FOXN3: variants seen among roughly 807,000 people sequenced by gnomAD.
FOXN3 encodes the protein forkhead box N3.
FOXN3 carries 7 observed loss-of-function variants against 38.4 expected under a neutral mutation model. That is an observed-to-expected ratio of 0.18 (90% CI 0.10 to 0.34). The LOEUF (loss-of-function observed/expected upper bound fraction) is 0.34. FOXN3 is among the 10% of genes least tolerant of loss of function. The pLI is 1.00. For missense variants in FOXN3, 456 were observed against 613.4 expected (o/e 0.74, Z 2.71); for synonymous variants, 230 against 242.2 (o/e 0.95, Z 0.47).
Position 89,476,899 on chromosome 14 carries a change from C to T in FOXN3, c.-14-64409G>A, listed in dbSNP as rs77197158. On this transcript the variant is annotated intron_variant, in intron 1 of 6. Coordinates refer to the FOXN3 transcript ENST00000345097. ...AGACCTGCAGTGAATGGTAGTAAGG[C>T]GCCAGGAGGGAGAAATAGAGAAGGA... is the stretch of plus-strand genomic sequence containing the variant. Among the ~76,000 whole-genome samples, 122 of 152,112 alleles carry T rather than the reference C, an allele frequency of 8.0e-4. 1 individual carries two copies. The South Asian group carries it at 0.023, about 29-fold the overall frequency.
intron 2 of FOXN3, among the ~76,000 whole-genome samples, chr14:89,365,974 G>A (rs542674703): frequency 2.2e-4 from 33 of 152,250 alleles, no homozygotes; most frequent in South Asian, 4.2e-4. Context: ...ATTATAGGCC[G>A]AGCCCAGTGG....
intron 1 of FOXN3, among the ~76,000 whole-genome samples, chr14:89,483,778 A>AAAAC (rs1893392046): frequency 6.6e-6 from 1 of 152,186 alleles, no homozygotes; most frequent in East Asian, 1.9e-4. Flanking sequence ...TAGAACCCAC[A>AAAAC]TCTTTTACTA....
chr14:89,534,050 T>A (rs879683967), intron 1 of FOXN3, among the ~76,000 whole-genome samples: 1 of 151,784 alleles, frequency 6.6e-6, no homozygotes, highest in Admixed American at 6.6e-5. Context: ...AGAGATGTGC[T>A]TCCCCCCCGC....
intron 1 of FOXN3, among the ~76,000 whole-genome samples, chr14:89,461,185 A>C (rs1264146574): frequency 6.6e-6 from 1 of 151,086 alleles, no homozygotes; most frequent in African/African-American, 2.4e-5. Flanking sequence ...AAAATACAAA[A>C]AATTAGCTAG....
chr14:89,524,323 C>CGA (rs1234063728), intron 1 of FOXN3, among the ~76,000 whole-genome samples: 1 of 120,044 alleles, frequency 8.3e-6, no homozygotes, highest in Non-Finnish European at 1.6e-5. Flanking sequence ...TGCAGTGAGC[C>CGA]GAGATCGCAC....
chr14:89,249,257 A>G (rs1480367341), intron 4 of FOXN3, among the ~76,000 whole-genome samples: 1 of 152,184 alleles, frequency 6.6e-6, no homozygotes, highest in East Asian at 1.9e-4. Context: ...GTAGCAGGAA[A>G]GGCTTCCGTT....
At chr14:89,291,578 C>A in intron 3 of FOXN3, 1 of 549,474 alleles carries the variant, frequency 1.8e-6, no homozygotes, top group South Asian at 1.5e-5. Context: ...TTCCAGCAGT[C>A]CCTACATGTC....
rs533857726 is a variant in FOXN3 at position 89,162,741 on chromosome 14, C to CCCCTCGCTG, written c.1071_1079dup (p.Glu359_Ser361dup). The stretch of plus-strand genomic sequence containing the variant: ...TGGGGCTCTCGTGGCTCCGGAAGCT[C>CCCCTCGCTG]CCCTCGCTGCCCTCGCTGCCCTCCT... On this transcript the variant is annotated inframe_insertion, in exon 6 of 6. Coordinates refer to ENST00000557258, the MANE Select transcript of FOXN3 (RefSeq NM_005197.4). The surrounding 1 kb of genome is among the most constrained non-coding windows in gnomAD (Gnocchi z 7.2). The CCCCTCGCTG allele has an allele frequency of 1.6e-5, 26 of 1,613,378 alleles. No individual in the cohort carries two copies. The highest frequency in any genetic ancestry group is 1.6e-4 in the Middle Eastern group (1 of 6,080).
At chr14:89,297,177 T>G (rs942365278) in intron 3 of FOXN3, among the ~76,000 whole-genome samples, 4 of 152,022 alleles carry the variant, frequency 2.6e-5, no homozygotes, top group African/African-American at 7.2e-5. Context: ...TATAAGACAT[T>G]ACCCAAACTA....
intron 1 of FOXN3, among the ~76,000 whole-genome samples, chr14:89,501,769 A>G (rs991823907): frequency 6.6e-6 from 1 of 152,002 alleles, no homozygotes; most frequent in Non-Finnish European, 1.5e-5. Flanking sequence ...AATCGCTTGA[A>G]CCTGGGAGGC....
chr14:89,375,812 C>A (rs1008082366), intron 2 of FOXN3, among the ~76,000 whole-genome samples: 1 of 152,078 alleles, frequency 6.6e-6, no homozygotes, highest in Non-Finnish European at 1.5e-5. Context: ...TCTCGTTGCC[C>A]AGGCTGGGAT....
At chr14:89,448,070 C>CCTTTGCTCCCTGTGCCTTG in intron 1 of FOXN3, among the ~76,000 whole-genome samples, 1 of 152,130 alleles carries the variant, frequency 6.6e-6, no homozygotes, top group Non-Finnish European at 1.5e-5. Context: ...CCTCGGCCTC[C>CCTTTGCTCCCTGTGCCTTG]CAAAGTGCTG....
At chr14:89,500,157 T>G (rs1460887152) in intron 1 of FOXN3, among the ~76,000 whole-genome samples, 2 of 152,148 alleles carry the variant, frequency 1.3e-5, no homozygotes, top group African/African-American at 4.8e-5. Flanking sequence ...TCAGCCAGCT[T>G]GGGTTTTTTA....
chr14:89,271,442 T>C (rs944885717), intron 4 of FOXN3, among the ~76,000 whole-genome samples: 17 of 152,226 alleles, frequency 1.1e-4, no homozygotes, highest in African/African-American at 3.9e-4. Flanking sequence ...ACTGATATAA[T>C]TTAATAGACT....
chr14:89,545,752 T>G (rs915610152), intron 1 of FOXN3, among the ~76,000 whole-genome samples: 4 of 152,182 alleles, frequency 2.6e-5, no homozygotes, highest in African/African-American at 4.8e-5. Context: ...CTCAGGAGCT[T>G]GTGAAGGTAA....
rs138634389 is a variant in FOXN3 at position 89,462,432 on chromosome 14, A to C, written c.-14-49942T>G. 7.3e-3 allele frequency among the ~76,000 whole-genome samples: 1,119 copies of C among 152,370 alleles called. 10 individuals are homozygous for C. The highest frequency in any genetic ancestry group is 0.013 in the Non-Finnish European group (857 of 68,036). On this transcript the variant is annotated intron_variant, in intron 1 of 6. Transcript: ENST00000345097. ...TCTGGCAAGTTAATAGGAAACACTTAGAGTGTAGGATCTTACTCTATTTTC... is the reference window on the plus strand; with the variant it reads ...TCTGGCAAGTTAATAGGAAACACTTCGAGTGTAGGATCTTACTCTATTTTC...
At chr14:89,286,123 A>G (rs1293724955) in intron 3 of FOXN3, among the ~76,000 whole-genome samples, 1 of 151,794 alleles carries the variant, frequency 6.6e-6, no homozygotes, top group African/African-American at 2.4e-5. Context: ...TGCCCACTTC[A>G]ACATAAATAA....
At chr14:89,449,730 A>G (rs748485538) in intron 1 of FOXN3, among the ~76,000 whole-genome samples, 2 of 152,112 alleles carry the variant, frequency 1.3e-5, no homozygotes, top group Non-Finnish European at 2.9e-5. Context: ...CCACAACCCC[A>G]TATGCATACA....
intron 4 of FOXN3, among the ~76,000 whole-genome samples, chr14:89,191,889 T>A (rs1887953891): frequency 6.7e-6 from 1 of 149,404 alleles, no homozygotes; most frequent in African/African-American, 2.5e-5. Context: ...GTAAATTAAC[T>A]TATTTGGCAA....
Sources: allele counts gnomAD v4.1 joint callset (sites outside exome capture counted in the v4.1 genomes callset), GRCh38; gene constraint gnomAD v4.1.1; non-coding constraint Gnocchi (gnomAD v3.1); transcripts MANE v1.5; gene names NCBI Gene and HGNC (gene_info 2026-07-23, HGNC 2026-07-21).